Variants in DYNC2H1 observed in about 807,000 individuals in gnomAD.
DYNC2H1 encodes the protein cytoplasmic dynein 2 heavy chain 1.
Under a neutral mutation model 570.0 loss-of-function variants are expected in DYNC2H1, and 410 were observed. That is an observed-to-expected ratio of 0.72 (90% CI 0.66 to 0.78). The LOEUF (loss-of-function observed/expected upper bound fraction) is 0.78. Among genes scored for constraint, DYNC2H1 ranks in the 30% least tolerant of loss-of-function variants. The pLI is 0.00. For synonymous variants in DYNC2H1, 1,688 were observed against 1,677.6 expected (o/e 1.01, Z -0.15); for missense variants, 4,865 against 5,046.4 (o/e 0.96, Z 1.09).
intron 88 of DYNC2H1, among the ~76,000 whole-genome samples, chr11:103,469,373 A>AATT (rs774358174): frequency 6.6e-6 from 1 of 152,238 alleles, no homozygotes; most frequent in Non-Finnish European, 1.5e-5. Context: ...TTTTCTTAAT[A>AATT]AAGTTTAAGA....
chr11:103,308,145 G>T (rs931598023), intron 78 of DYNC2H1, among the ~76,000 whole-genome samples: 12 of 152,008 alleles, frequency 7.9e-5, no homozygotes, highest in Admixed American at 6.5e-5. Flanking sequence ...TTTTTATCTT[G>T]CAAAATTGAA....
At chr11:103,210,062 A>G in intron 53 of DYNC2H1, 102 bp downstream of exon 53, 1 of 1,270,758 alleles carries the variant, frequency 7.9e-7, no homozygotes, top group Non-Finnish European at 1.0e-6. Flanking sequence ...ATAAATTTGA[A>G]TAATGCTAAG....
At chr11:103,191,641 C>A in intron 46 of DYNC2H1, 22 bp downstream of exon 46, 1 of 1,428,038 alleles carries the variant, frequency 7.0e-7, no homozygotes, top group Non-Finnish European at 9.8e-7. Flanking sequence ...TAGTGTGTAT[C>A]TTGTGTGTGT....
chr11:103,303,609 A>G (rs1421733064), intron 76 of DYNC2H1, among the ~76,000 whole-genome samples: 1 of 152,106 alleles, frequency 6.6e-6, no homozygotes, highest in Non-Finnish European at 1.5e-5. Context: ...GGCTTTGAAG[A>G]TGGAGGAACG....
chr11:103,459,295 C>G (rs1347706468), intron 87 of DYNC2H1, among the ~76,000 whole-genome samples: 1 of 84,688 alleles, frequency 1.2e-5, no homozygotes, highest in Non-Finnish European at 2.0e-5. Context: ...GGCGACAGAG[C>G]GAGACTCCGT....
chr11:103,207,034 G>T (rs943332713), intron 52 of DYNC2H1, among the ~76,000 whole-genome samples: 1 of 151,928 alleles, frequency 6.6e-6, no homozygotes, highest in African/African-American at 2.4e-5. Flanking sequence ...CGATTCTTCT[G>T]CCTCAGCCTC....
chr11:103,320,038 G>C (rs1938083885), intron 80 of DYNC2H1, among the ~76,000 whole-genome samples: 1 of 152,114 alleles, frequency 6.6e-6, no homozygotes, highest in Admixed American at 6.6e-5. Flanking sequence ...TAATGAAATG[G>C]AACTATGCTA....
chr11:103,240,654 C>T (rs1202684747), intron 63 of DYNC2H1, among the ~76,000 whole-genome samples: 1 of 152,122 alleles, frequency 6.6e-6, no homozygotes, highest in African/African-American at 2.4e-5. Context: ...CTTCCATTGC[C>T]AGTGGCTTCA....
At chr11:103,285,577 C>G (rs201268468) in intron 73 of DYNC2H1, among the ~76,000 whole-genome samples, 1 of 151,428 alleles carries the variant, frequency 6.6e-6, no homozygotes, top group Admixed American at 6.6e-5. Context: ...CGCCCACCAC[C>G]AGCCTGACTA....
At position 103,252,164 on chromosome 11, in the gene DYNC2H1, G is replaced by T. The variant is rs138440019; in HGVS notation, c.10043-1121G>T. ...TTCCCAGATGGATCTTGAACTTCTG[G>T]TCTCAAGTGGTACGTCCGTCTCAAC... On this transcript the variant is annotated intron_variant, in intron 65 of 88. Coordinates refer to ENST00000375735, the MANE Select transcript of DYNC2H1 (RefSeq NM_001377.3). This position sits in a 1 kb window ranked among gnomAD's most constrained non-coding sequence, Gnocchi z 4.6. 2.8e-4 allele frequency among the ~76,000 whole-genome samples: 43 copies of T among 151,514 alleles called. No individual in the cohort carries two copies. The East Asian group carries it at 8.2e-3, about 29-fold the overall frequency.
intron 62 of DYNC2H1, among the ~76,000 whole-genome samples, chr11:103,236,142 A>T (rs1864209018): frequency 6.6e-6 from 1 of 151,978 alleles, no homozygotes; most frequent in African/African-American, 2.4e-5. Flanking sequence ...ATAGGCTGAG[A>T]TGCAAGAACT....
intron 1 of DYNC2H1, among the ~76,000 whole-genome samples, chr11:103,112,658 C>T (rs2134679060): frequency 6.6e-6 from 1 of 152,212 alleles, no homozygotes; most frequent in African/African-American, 2.4e-5. Context: ...AGCTCCTTTC[C>T]AGTGGCCAAA....
Position 103,181,903 on chromosome 11 carries a change from A to G in DYNC2H1, c.6477+17A>G, listed in dbSNP as rs539260007. The G allele has an allele frequency of 3.1e-6, 5 of 1,596,398 alleles. No homozygotes were observed. The highest frequency in any genetic ancestry group is 4.3e-6 in the Non-Finnish European group (5 of 1,170,824). On this transcript the variant is annotated intron_variant, in intron 40 of 88. Transcript: ENST00000375735. This position sits in a 1 kb window ranked among gnomAD's most constrained non-coding sequence, Gnocchi z 5.0. ...CTAAAGCAGGTAAATTAACCATAAT[A>G]TTTCATAATTAATCGAGGTGAGAAG...
At chr11:103,168,733 C>A in intron 31 of DYNC2H1, 22 bp from the exon 32 acceptor site, 2 of 1,606,066 alleles carry the variant, frequency 1.2e-6, no homozygotes, top group South Asian at 2.2e-5. Flanking sequence ...CTCCAATTGT[C>A]AATATTTTTA....
At chr11:103,441,683 A>T (rs1944273122) in intron 85 of DYNC2H1, among the ~76,000 whole-genome samples, 1 of 152,166 alleles carries the variant, frequency 6.6e-6, no homozygotes. Flanking sequence ...CCTGAGATAT[A>T]TTCTGTAGTA....
Position 103,252,145 on chromosome 11 carries a change from G to C in DYNC2H1, c.10043-1140G>C, listed in dbSNP as rs1864860352. ...AGACGAGGTCTCAGTATGTTTCCCA[G>C]ATGGATCTTGAACTTCTGGTCTCAA... On this transcript the variant is annotated intron_variant, in intron 65 of 88. Coordinates refer to ENST00000375735, the MANE Select transcript of DYNC2H1 (RefSeq NM_001377.3). The surrounding 1 kb of genome is among the most constrained non-coding windows in gnomAD (Gnocchi z 4.6). Among the ~76,000 whole-genome samples, 1 of 150,102 alleles carries C rather than the reference G, an allele frequency of 6.7e-6. No individual in the cohort carries two copies. The highest frequency in any genetic ancestry group is 1.5e-5 in the Non-Finnish European group (1 of 67,732).
rs1255383622 is a variant in DYNC2H1, at chr11:103,122,992, T to C, written c.1653T>C (p.Ser551=). 6.6e-7 allele frequency: 1 copy of C among 1,519,542 alleles called. No individual in the cohort carries two copies. Among genetic ancestry groups the C allele is most frequent in the East Asian group, 2.3e-5 (1 of 43,638 alleles). The allele number at this position is 1,519,542 out of a possible 1,614,324, so 94.1% of individuals were successfully genotyped here. A position where few individuals can be genotyped will look rare whatever the true frequency, so the allele number is the denominator to read the frequency against. Residue 551 remains serine (S), a synonymous_variant, in exon 11 of 89, where the codon TCT becomes TCC. Coordinates refer to ENST00000375735, the MANE Select transcript of DYNC2H1 (RefSeq NM_001377.3). ...DIQSGLSDSR[S]GLCIEASSRI... Reference sequence around the variant, plus strand: ...AATCAGGTTTATCTGATTCCAGATCTGGTTTGTGGTAAGTATAGATATATT... The same window carrying C: ...AATCAGGTTTATCTGATTCCAGATCCGGTTTGTGGTAAGTATAGATATATT...
chr11:103,329,376 A>G (rs1003554788), intron 82 of DYNC2H1, among the ~76,000 whole-genome samples: 5 of 150,634 alleles, frequency 3.3e-5, no homozygotes. Context: ...ATTATTCAGT[A>G]TTTCAAAATC....
chr11:103,458,456 T>A (rs934825761), intron 87 of DYNC2H1, among the ~76,000 whole-genome samples: 1 of 151,850 alleles, frequency 6.6e-6, no homozygotes, highest in Admixed American at 6.6e-5. Context: ...TATTCCAAAA[T>A]TCAAAAAAAA....
Sources: gnomAD v4.1 joint callset for allele counts (sites outside exome capture counted in the v4.1 genomes callset) on GRCh38, gnomAD v4.1.1 for gene constraint, Gnocchi (gnomAD v3.1) non-coding constraint, MANE v1.5 for transcripts, NCBI Gene and HGNC (gene_info 2026-07-23, HGNC 2026-07-21) for gene names.